Variants in KAZN observed in about 807,000 individuals in gnomAD.
KAZN encodes the protein kazrin.
A neutral mutation model predicts 87.4 loss-of-function variants in KAZN; 40 were observed. The observed-to-expected ratio is 0.46, with a 90% CI of 0.36 to 0.60. The LOEUF (loss-of-function observed/expected upper bound fraction) is 0.60, where lower values mean the gene tolerates loss of function less well. KAZN is among the 20% of genes least tolerant of loss of function. The pLI, the probability that KAZN is intolerant of heterozygous loss-of-function variation, is 0.00. For missense variants in KAZN, 898 were observed against 1,073.9 expected (o/e 0.84, Z 2.29); for synonymous variants, 466 against 458.3 (o/e 1.02, Z -0.22).
At chr1:14,591,181 C>A (rs1002316545) in intron 2 of KAZN, among the ~76,000 whole-genome samples, 3 of 151,422 alleles carry the variant, frequency 2.0e-5, no homozygotes, top group South Asian at 2.1e-4. Context: ...GCCCCCCCCC[C>A]ATGGACACAG....
At chr1:13,972,476 A>G (rs556209363) in intron 1 of KAZN, among the ~76,000 whole-genome samples, 309 of 152,260 alleles carry the variant, frequency 2.0e-3, no homozygotes, top group African/African-American at 6.8e-3. Context: ...CCCAACAGCC[A>G]GTGTTCTGTG....
At chr1:14,713,916 A>G (rs1459637100) in intron 1 of KAZN, among the ~76,000 whole-genome samples, 1 of 152,036 alleles carries the variant, frequency 6.6e-6, no homozygotes, top group African/African-American at 2.4e-5. Context: ...TGACCACACC[A>G]CTGCACTCCA....
At chr1:14,960,970 C>A in intron 2 of KAZN, 95 bp downstream of exon 2, 2 of 1,319,384 alleles carry the variant, frequency 1.5e-6, no homozygotes, top group Non-Finnish European at 2.0e-6. Context: ...CAGATGGACA[C>A]AGGGGTCTCC....
At position 15,003,211 on chromosome 1, in the gene KAZN, C is replaced by A. The variant is rs77677615; in HGVS notation, c.419-31538C>A. ...ATAATGTCGTGGAGGTGAGCACCCC[C>A]GCTAGAGCTTTCCAGGTGGGATAAT... On this transcript the variant is annotated intron_variant, in intron 2 of 14. Coordinates refer to ENST00000376030, the MANE Select transcript of KAZN (RefSeq NM_201628.3). Among the ~76,000 whole-genome samples, 661 of 152,222 alleles carry A rather than the reference C, an allele frequency of 4.3e-3. 7 individuals carry two copies. The highest frequency in any genetic ancestry group is 0.015 in the African/African-American group (632 of 41,548).
At chr1:14,627,945 G>A (rs1291601636) in intron 1 of KAZN, among the ~76,000 whole-genome samples, 2 of 152,030 alleles carry the variant, frequency 1.3e-5, no homozygotes, top group African/African-American at 4.8e-5. Context: ...TGTTTCCGAC[G>A]GCTGATGACA....
chr1:14,520,146 T>C (rs1671510971), intron 2 of KAZN, among the ~76,000 whole-genome samples: 2 of 152,188 alleles, frequency 1.3e-5, no homozygotes, highest in Admixed American at 1.3e-4. Context: ...GGCTCATGGA[T>C]GACACAAGGC....
chr1:13,923,704 G>A (rs905729821), intron 1 of KAZN, among the ~76,000 whole-genome samples: 2 of 151,928 alleles, frequency 1.3e-5, no homozygotes, highest in African/African-American at 4.8e-5. Flanking sequence ...TGGTCTCGCT[G>A]TCTTAGGGGC....
intron 2 of KAZN, among the ~76,000 whole-genome samples, chr1:14,319,004 TTTTATTTTTA>T (rs1286722464): frequency 1.4e-5 from 2 of 142,746 alleles, no homozygotes; most frequent in East Asian, 2.0e-4. Context: ...TCTGTTGACC[TTTTATTTTTA>T]TTTATTTATT....
At chr1:13,950,742 G>A (rs112296662) in intron 1 of KAZN, among the ~76,000 whole-genome samples, 1 of 152,158 alleles carries the variant, frequency 6.6e-6, no homozygotes, top group Non-Finnish European at 1.5e-5. Context: ...AACCTCATCA[G>A]CCACTCATTC....
intron 8 of KAZN, chr1:15,067,233 C>T (rs369315544): frequency 1.0e-6 from 1 of 985,540 alleles, no homozygotes. Context: ...CTCCACCCTC[C>T]CCATTCTGGT....
intron 1 of KAZN, among the ~76,000 whole-genome samples, chr1:14,824,839 A>T (rs955179101): frequency 6.6e-5 from 10 of 152,148 alleles, no homozygotes; most frequent in Non-Finnish European, 1.3e-4. Flanking sequence ...GGTGGCAGAG[A>T]ATTCCTTGGC....
intron 2 of KAZN, among the ~76,000 whole-genome samples, chr1:14,242,174 A>C (rs1649003724): frequency 6.6e-6 from 1 of 152,220 alleles, no homozygotes; most frequent in Admixed American, 6.5e-5. Flanking sequence ...TTTATTTTAA[A>C]TAGTGGAGAA....
chr1:14,869,248 G>T (rs988889238), intron 1 of KAZN, among the ~76,000 whole-genome samples: 3 of 143,158 alleles, frequency 2.1e-5, no homozygotes, highest in African/African-American at 7.6e-5. Flanking sequence ...ACAGTCTCAA[G>T]CTCTTCCAGG....
intron 1 of KAZN, among the ~76,000 whole-genome samples, chr1:14,840,066 A>C: frequency 7.1e-6 from 1 of 141,404 alleles, no homozygotes; most frequent in Non-Finnish European, 1.5e-5. Flanking sequence ...CCTCCCTACC[A>C]CCTGGCACTG....
intron 1 of KAZN, among the ~76,000 whole-genome samples, chr1:14,905,608 G>A (rs1010683444): frequency 2.0e-5 from 3 of 152,240 alleles, no homozygotes; most frequent in African/African-American, 4.8e-5. Flanking sequence ...CACTTTGGGA[G>A]GCTGAGGAGG....
intron 1 of KAZN, among the ~76,000 whole-genome samples, chr1:13,953,436 C>G (rs775406131): frequency 6.6e-6 from 1 of 152,172 alleles, no homozygotes; most frequent in Non-Finnish European, 1.5e-5. Flanking sequence ...CAAGTTTTAT[C>G]TTCACCTCAA....
At chr1:15,112,603 C>CCAGCGGCAGGTCTTTTTTTCTCA in intron 14 of KAZN, 62 bp downstream of exon 14, 1 of 376,130 alleles carries the variant, frequency 2.7e-6, no homozygotes, top group Non-Finnish European at 4.2e-6. Context: ...TTTTTTTCTC[C>CCAGCGGCAGGTCTTTTTTTCTCA]TCCCGGGAGC....
chr1:14,787,805 C>T (rs1469015379), intron 1 of KAZN, among the ~76,000 whole-genome samples: 1 of 152,118 alleles, frequency 6.6e-6, no homozygotes, highest in Non-Finnish European at 1.5e-5. Context: ...GTCTAGGAAT[C>T]CGCAATAGCC....
intron 4 of KAZN, among the ~76,000 whole-genome samples, chr1:15,055,206 G>A (rs1421584874): frequency 6.6e-6 from 1 of 152,228 alleles, no homozygotes; most frequent in African/African-American, 2.4e-5. Context: ...GCCGGGCGCA[G>A]TGGCTCACAC....
Sources: gnomAD v4.1 joint callset for allele counts (sites outside exome capture counted in the v4.1 genomes callset) on GRCh38, gnomAD v4.1.1 for gene constraint, MANE v1.5 for transcripts, NCBI Gene and HGNC (gene_info 2026-07-23, HGNC 2026-07-21) for gene names.